The following CPA6 variants were observed in gnomAD, a reference collection of about 807,000 sequenced individuals.
CPA6 encodes the protein carboxypeptidase B.
A neutral mutation model predicts 63.3 loss-of-function variants in CPA6; 58 were observed. That is an observed-to-expected ratio of 0.92 (90% CI 0.74 to 1.14). The LOEUF (loss-of-function observed/expected upper bound fraction) is 1.14, where lower values mean the gene tolerates loss of function less well. CPA6 is among the 50% of genes most tolerant of loss of function. The probability of loss-of-function intolerance (pLI) is 0.00; values close to 1 mark genes in which losing one functional copy is unlikely to be tolerated. For missense variants in CPA6, 565 were observed against 526.6 expected, an observed-to-expected ratio of 1.07 and a Z score of -0.71; for synonymous variants, 185 against 179.0, an observed-to-expected ratio of 1.03 and a Z score of -0.27.
At chr8:67,716,751 C>T (rs1025757394) in intron 1 of CPA6, among the ~76,000 whole-genome samples, 1 of 152,314 alleles carries the variant, frequency 6.6e-6, no homozygotes, top group East Asian at 1.9e-4. Flanking sequence ...TGATGCCATT[C>T]CCAGCTTGAC....
intron 1 of CPA6, among the ~76,000 whole-genome samples, chr8:67,647,246 T>C (rs990557259): frequency 2.0e-5 from 3 of 152,190 alleles, no homozygotes; most frequent in Non-Finnish European, 2.9e-5. Flanking sequence ...TTTGAGAACA[T>C]TGGAGCCAGG....
chr8:67,542,718 C>T (rs1812733577), intron 2 of CPA6, among the ~76,000 whole-genome samples: 1 of 152,180 alleles, frequency 6.6e-6, no homozygotes, highest in South Asian at 2.1e-4. Flanking sequence ...AGCAGCTGAA[C>T]ATAAGATGTA....
chr8:67,601,056 AT>A (rs575940076), intron 2 of CPA6, among the ~76,000 whole-genome samples: 1,584 of 152,290 alleles, frequency 0.01, 8 homozygotes, highest in Non-Finnish European at 0.016. Context: ...GGAAAGAACT[AT>A]TACAAGACAT....
chr8:67,565,379 A>G (rs978340949), intron 2 of CPA6, among the ~76,000 whole-genome samples: 1 of 152,122 alleles, frequency 6.6e-6, no homozygotes, highest in Non-Finnish European at 1.5e-5. Context: ...AAAACCCCAT[A>G]CAGATCTGGC....
At chr8:67,528,513 T>A (rs1400323397) in intron 2 of CPA6, among the ~76,000 whole-genome samples, 1 of 152,144 alleles carries the variant, frequency 6.6e-6, no homozygotes, top group Non-Finnish European at 1.5e-5. Context: ...AGGACTCAGA[T>A]AAGACTGCTG....
At chr8:67,424,907 T>G (rs1345200876) in intron 10 of CPA6, among the ~76,000 whole-genome samples, 1 of 152,166 alleles carries the variant, frequency 6.6e-6, no homozygotes, top group Non-Finnish European at 1.5e-5. Flanking sequence ...GACCTCACAC[T>G]CTCTAGCTTT....
chr8:67,471,989 T>C (rs554081109), intron 8 of CPA6, among the ~76,000 whole-genome samples: 2 of 152,278 alleles, frequency 1.3e-5, no homozygotes, highest in Admixed American at 1.3e-4. Context: ...ACTTCTCAAA[T>C]GCAAATGATA....
chr8:67,442,215 A>G (rs897504911), intron 8 of CPA6, among the ~76,000 whole-genome samples: 5 of 152,098 alleles, frequency 3.3e-5, no homozygotes, highest in Non-Finnish European at 7.4e-5. Flanking sequence ...TCTAGATGCT[A>G]TGTTATGCAT....
At chr8:67,525,055 G>A (rs529624182) in intron 2 of CPA6, among the ~76,000 whole-genome samples, 1 of 152,096 alleles carries the variant, frequency 6.6e-6, no homozygotes, top group Non-Finnish European at 1.5e-5. Context: ...ATTTTTCCTT[G>A]CTCTACTTAT....
At chr8:67,727,415 C>A (rs1362627806) in intron 1 of CPA6, among the ~76,000 whole-genome samples, 1 of 152,146 alleles carries the variant, frequency 6.6e-6, no homozygotes, top group Non-Finnish European at 1.5e-5. Context: ...AACTTTCTAA[C>A]CTTCTCTTGT....
chr8:67,437,333 T>C (rs957231501), intron 8 of CPA6, among the ~76,000 whole-genome samples: 23 of 152,130 alleles, frequency 1.5e-4, no homozygotes, highest in African/African-American at 5.1e-4. Flanking sequence ...AGGCGGAGCT[T>C]GTAGCGAGCG....
At chr8:67,475,250 A>G (rs7815069) in intron 8 of CPA6, among the ~76,000 whole-genome samples, 55,536 of 152,028 alleles carry the variant, frequency 0.37, 10,284 homozygotes, top group Middle Eastern at 0.47. Context: ...TCAAGTGCAG[A>G]TAAGATTGTT....
At chr8:67,517,827 A>G in intron 3 of CPA6, 96 bp downstream of exon 3, 1 of 1,272,754 alleles carries the variant, frequency 7.9e-7, no homozygotes, top group Non-Finnish European at 1.1e-6. Flanking sequence ...TACCCAAAAC[A>G]CTGTTGTAAG....
At chr8:67,438,275 G>C (rs1462857481) in intron 8 of CPA6, among the ~76,000 whole-genome samples, 2 of 152,080 alleles carry the variant, frequency 1.3e-5, no homozygotes, top group African/African-American at 2.4e-5. Context: ...CCAAACAAAA[G>C]AGATAAAGAG....
intron 2 of CPA6, among the ~76,000 whole-genome samples, chr8:67,565,385 C>T (rs1337379004): frequency 1.3e-5 from 2 of 152,152 alleles, no homozygotes; most frequent in Non-Finnish European, 2.9e-5. Flanking sequence ...CCATACAGAT[C>T]TGGCAGAGCA....
At chr8:67,660,197 T>G (rs1816076094) in intron 1 of CPA6, among the ~76,000 whole-genome samples, 1 of 152,188 alleles carries the variant, frequency 6.6e-6, no homozygotes, top group African/African-American at 2.4e-5. Flanking sequence ...AGCATAAATT[T>G]GGGCAGATTT....
At chr8:67,562,943 A>G (rs768071622) in intron 2 of CPA6, among the ~76,000 whole-genome samples, 6 of 152,162 alleles carry the variant, frequency 3.9e-5, no homozygotes, top group Non-Finnish European at 7.4e-5. Flanking sequence ...CTGATATACT[A>G]TATTGCAATG....
intron 2 of CPA6, among the ~76,000 whole-genome samples, chr8:67,545,765 G>A (rs553938872): frequency 1.3e-5 from 2 of 151,980 alleles, no homozygotes; most frequent in Non-Finnish European, 2.9e-5. Context: ...GTTTCTCCAT[G>A]TTGGTTAGTC....
At chr8:67,531,861 C>T (rs1812483870) in intron 2 of CPA6, among the ~76,000 whole-genome samples, 2 of 152,118 alleles carry the variant, frequency 1.3e-5, no homozygotes, top group South Asian at 4.1e-4. Context: ...GTCAAATGAT[C>T]TCTGATTACA....
Sources: gnomAD v4.1 joint callset for allele counts (sites outside exome capture counted in the v4.1 genomes callset) on GRCh38, gnomAD v4.1.1 for gene constraint, MANE v1.5 for transcripts, NCBI Gene and HGNC (gene_info 2026-07-23, HGNC 2026-07-21) for gene names.